Variants in TTLL5 observed in about 807,000 individuals in gnomAD.
TTLL5 encodes the protein tubulin tyrosine ligase like 5.
TTLL5 carries 132 observed loss-of-function variants against 168.4 expected under a neutral mutation model. The observed-to-expected ratio is 0.78, with a 90% confidence interval of 0.68 to 0.91. TTLL5 has a LOEUF of 0.91. Ranked by LOEUF, TTLL5 falls within the 40% of genes least tolerant of loss-of-function variation. The probability of loss-of-function intolerance (pLI) is 0.00; values close to 1 mark genes in which losing one functional copy is unlikely to be tolerated. For missense variants in TTLL5, 1,545 were observed against 1,581.5 expected (o/e 0.98, Z 0.39); for synonymous variants, 546 against 558.6 (o/e 0.98, Z 0.32).
intron 6 of TTLL5, among the ~76,000 whole-genome samples, chr14:75,691,926 A>G (rs150690706): frequency 3.9e-5 from 6 of 152,308 alleles, no homozygotes; most frequent in African/African-American, 1.4e-4. Flanking sequence ...TTCACCATTT[A>G]TCTAATAGCG....
At chr14:75,833,190 C>G (rs1399611903) in intron 28 of TTLL5, among the ~76,000 whole-genome samples, 2 of 152,206 alleles carry the variant, frequency 1.3e-5, no homozygotes, top group Admixed American at 1.3e-4. Flanking sequence ...CCTCCTCCCT[C>G]TTTCATATCA....
intron 7 of TTLL5, among the ~76,000 whole-genome samples, chr14:75,700,676 A>G (rs1886206787): frequency 6.6e-6 from 1 of 152,180 alleles, no homozygotes; most frequent in Admixed American, 6.5e-5. Context: ...TTCCACGTGT[A>G]CTTTACTTCC....
chr14:75,726,503 G>T (rs1888192289), intron 12 of TTLL5, among the ~76,000 whole-genome samples: 1 of 152,164 alleles, frequency 6.6e-6, no homozygotes, highest in South Asian at 2.1e-4. Flanking sequence ...CATGGACCCT[G>T]CCCTCAAGTG....
chr14:75,822,349 T>C (rs138522454), intron 28 of TTLL5, among the ~76,000 whole-genome samples: 1 of 152,316 alleles, frequency 6.6e-6, no homozygotes, highest in East Asian at 1.9e-4. Flanking sequence ...GTAAGCATAC[T>C]TACATATGAA....
intron 28 of TTLL5, among the ~76,000 whole-genome samples, chr14:75,841,263 G>A (rs775477971): frequency 6.6e-6 from 1 of 152,048 alleles, no homozygotes; most frequent in Non-Finnish European, 1.5e-5. Flanking sequence ...TGCCATTTTT[G>A]GATTTTAGGT....
chr14:75,792,791 C>G, intron 26 of TTLL5, 125 bp from the exon 27 acceptor site: 1 of 752,854 alleles, frequency 1.3e-6, no homozygotes, highest in South Asian at 4.1e-5. Context: ...GTTTATTTCT[C>G]CTATATTATT....
intron 4 of TTLL5, 126 bp from the exon 5 acceptor site, chr14:75,683,424 A>AT (rs1884783062): frequency 8.5e-6 from 6 of 702,666 alleles, no homozygotes; most frequent in Admixed American, 2.5e-5. Context: ...TCACGTACTA[A>AT]TTGGGCCACC....
intron 9 of TTLL5, chr14:75,710,961 A>G (rs1408409392): frequency 6.6e-6 from 1 of 152,238 alleles, no homozygotes; most frequent in Non-Finnish European, 1.5e-5. Flanking sequence ...CTTACACCCT[A>G]TCACTTCTGT....
intron 7 of TTLL5, among the ~76,000 whole-genome samples, chr14:75,706,330 A>G (rs746811277): frequency 9.9e-5 from 15 of 152,226 alleles, no homozygotes; most frequent in Non-Finnish European, 2.2e-4. Context: ...ATAGGGATTT[A>G]CTGAATCTTA....
chr14:75,904,771 T>C (rs1453008857), intron 31 of TTLL5, among the ~76,000 whole-genome samples: 5 of 152,232 alleles, frequency 3.3e-5, no homozygotes, highest in Non-Finnish European at 5.9e-5. Context: ...TTGTCACCAA[T>C]AGGCTCTGGG....
chr14:75,949,492 A>G (rs2034888264), intron 31 of TTLL5, among the ~76,000 whole-genome samples: 1 of 148,790 alleles, frequency 6.7e-6, no homozygotes, highest in East Asian at 1.9e-4. Context: ...ATATATATAT[A>G]TAAAACCTTA....
intron 5 of TTLL5, among the ~76,000 whole-genome samples, chr14:75,685,835 T>C (rs1466188081): frequency 1.3e-5 from 2 of 152,240 alleles, no homozygotes; most frequent in Non-Finnish European, 2.9e-5. Flanking sequence ...TGGAAATTAC[T>C]GTTGTAGATT....
chr14:75,927,794 G>A (rs1566664456), intron 31 of TTLL5, among the ~76,000 whole-genome samples: 1 of 152,106 alleles, frequency 6.6e-6, no homozygotes, highest in Non-Finnish European at 1.5e-5. Context: ...TGTTGCTTTC[G>A]TCAGCACAGA....
At chr14:75,712,598 T>G (rs1887166161) in intron 9 of TTLL5, 1 of 151,864 alleles carries the variant, frequency 6.6e-6, no homozygotes, top group Non-Finnish European at 1.5e-5. Context: ...ACTAACTCTC[T>G]GCTTTCCTTC....
At chr14:75,721,718 C>T (rs756390078) in intron 12 of TTLL5, among the ~76,000 whole-genome samples, 1 of 152,122 alleles carries the variant, frequency 6.6e-6, no homozygotes, top group Non-Finnish European at 1.5e-5. Context: ...AGATGATGCA[C>T]GCAAAGCACT....
Position 75,926,156 on chromosome 14 carries a change from CTTTTTTTTTTTTTTT to C in TTLL5, c.3823+23946_3823+23960del, listed in dbSNP as rs34048806. On this transcript the variant is annotated intron_variant, in intron 31 of 31. Coordinates refer to ENST00000298832, the MANE Select transcript of TTLL5 (RefSeq NM_015072.5). ...TTAAAGACTAGGATTGCAACCCCAGCTTTTTTTTTTTTTTTTTTTTTTTTTTTTGCTTTCCATTTG... is the reference window on the plus strand; with the variant it reads ...TTAAAGACTAGGATTGCAACCCCAGCTTTTTTTTTTTTTGCTTTCCATTTG... Among the ~76,000 whole-genome samples the C allele has an allele frequency of 4.2e-3, 127 of 29,964 alleles. 2 individuals are homozygous for C. The highest frequency in any genetic ancestry group is 0.023 in the African/African-American group (118 of 5,190). The allele number at this position is 29,964 out of a possible 152,430, so 19.7% of individuals were successfully genotyped here.
At chr14:75,767,015 T>C (rs1211205705) in intron 20 of TTLL5, among the ~76,000 whole-genome samples, 2 of 151,962 alleles carry the variant, frequency 1.3e-5, no homozygotes, top group African/African-American at 4.8e-5. Context: ...AATACAAAAT[T>C]AGCTGGGTGT....
intron 30 of TTLL5, among the ~76,000 whole-genome samples, chr14:75,894,757 G>C (rs1291561115): frequency 6.6e-6 from 1 of 151,976 alleles, no homozygotes; most frequent in Non-Finnish European, 1.5e-5. Context: ...ATCAACAAAA[G>C]ATAGACAATA....
At chr14:75,946,044 A>G (rs936116512) in intron 31 of TTLL5, among the ~76,000 whole-genome samples, 2 of 152,240 alleles carry the variant, frequency 1.3e-5, no homozygotes, top group African/African-American at 4.8e-5. Flanking sequence ...ATAACACGCA[A>G]AAGAGTTTGT....
Sources: allele counts gnomAD v4.1 joint callset (sites outside exome capture counted in the v4.1 genomes callset), GRCh38; gene constraint gnomAD v4.1.1; transcripts MANE v1.5; gene names NCBI Gene and HGNC (gene_info 2026-07-23, HGNC 2026-07-21).